Variants in ATP10A observed in about 807,000 individuals in gnomAD.
ATP10A encodes ATPase phospholipid transporting 10A (putative).
ATP10A carries 111 observed loss-of-function variants against 147.8 expected under a neutral mutation model. The observed-to-expected ratio is 0.75, with a 90% confidence interval of 0.64 to 0.88. The LOEUF is 0.88. Ranked by LOEUF, ATP10A falls within the 40% of genes least tolerant of loss-of-function variation. The pLI, the probability that ATP10A is intolerant of heterozygous loss-of-function variation, is 0.00. For synonymous variants in ATP10A, 875 were observed against 841.6 expected, an observed-to-expected ratio of 1.04 and a Z score of -0.69; for missense variants, 1,927 against 1,959.0, an observed-to-expected ratio of 0.98 and a Z score of 0.31.
intron 2 of ATP10A, among the ~76,000 whole-genome samples, chr15:25,780,436 C>T: frequency 6.6e-6 from 1 of 152,242 alleles, no homozygotes; most frequent in East Asian, 1.9e-4. Flanking sequence ...CCGGCACAGA[C>T]CTGGCGGGTG....
At chr15:25,850,169 C>G (rs1848018929) in intron 1 of ATP10A, among the ~76,000 whole-genome samples, 1 of 152,178 alleles carries the variant, frequency 6.6e-6, no homozygotes, top group South Asian at 2.1e-4. Context: ...GTGTATGAGA[C>G]ATTCTGGAAA....
At chr15:25,746,062 T>C (rs1015634642) in intron 2 of ATP10A, among the ~76,000 whole-genome samples, 2 of 152,060 alleles carry the variant, frequency 1.3e-5, no homozygotes, top group African/African-American at 4.8e-5. Context: ...AATATTTTAA[T>C]GAAAACCCAA....
intron 1 of ATP10A, among the ~76,000 whole-genome samples, chr15:25,811,122 A>G (rs1891410187): frequency 2.0e-5 from 3 of 152,192 alleles, no homozygotes; most frequent in Admixed American, 2.0e-4. Flanking sequence ...ACAAAATAGC[A>G]AAACAGGTCC....
At chr15:25,801,382 GCT>G (rs1238833425) in intron 1 of ATP10A, among the ~76,000 whole-genome samples, 1 of 152,190 alleles carries the variant, frequency 6.6e-6, no homozygotes, top group East Asian at 1.9e-4. Context: ...GCCAATCACG[GCT>G]CTGAGCCTCA....
chr15:25,765,112 C>T (rs1369479236), intron 2 of ATP10A, among the ~76,000 whole-genome samples: 1 of 152,178 alleles, frequency 6.6e-6, no homozygotes, highest in East Asian at 1.9e-4. Context: ...TGAAGGATCT[C>T]TGGGGAGCAC....
At chr15:25,693,891 C>T (rs890069545) in intron 14 of ATP10A, among the ~76,000 whole-genome samples, 4 of 152,232 alleles carry the variant, frequency 2.6e-5, no homozygotes, top group Non-Finnish European at 5.9e-5. Flanking sequence ...GCAGCAATCT[C>T]CATGTCAACA....
chr15:25,817,559 A>C (rs1456588985), intron 1 of ATP10A, among the ~76,000 whole-genome samples: 1 of 152,242 alleles, frequency 6.6e-6, no homozygotes, highest in Non-Finnish European at 1.5e-5. Context: ...AAAGGGTCTA[A>C]ATAAGATTGA....
chr15:25,727,260 A>G lies in ATP10A; in HGVS notation c.747T>C (p.His249=). Residue 249 remains histidine, a synonymous_variant, in exon 4 of 21, where the codon CAT becomes CAC. Coordinates refer to ENST00000555815, the MANE Select transcript of ATP10A (RefSeq NM_024490.4). ...DLSRFRGCII[H]DNGKKAGLYK... ...ACAGCCCGGCCTTTTTCCCGTTGTC[A>G]TGTATGCTGTAGAGGGACAGTTGGC... 1 of 1,613,416 alleles carries G rather than the reference A, an allele frequency of 6.2e-7. No individual in the cohort carries two copies. Among genetic ancestry groups the G allele is most frequent in the Non-Finnish European group, 8.5e-7 (1 of 1,179,598 alleles).
chr15:25,761,327 A>G (rs1888746723), intron 2 of ATP10A, among the ~76,000 whole-genome samples: 1 of 152,234 alleles, frequency 6.6e-6, no homozygotes, highest in South Asian at 2.1e-4. Flanking sequence ...GACATACCCG[A>G]GACTGGGTAA....
chr15:25,754,993 T>G lies in ATP10A; in HGVS notation c.655-18852A>C, dbSNP rs569204592. ...TAAAAAGCTAATGAAAATCTAAAAA[T>G]GCAAGATATTCCCCATACCCTATCC... On this transcript the variant is annotated intron_variant, in intron 2 of 20. Coordinates refer to ENST00000555815, the MANE Select transcript of ATP10A (RefSeq NM_024490.4). Among the ~76,000 whole-genome samples the G allele has an allele frequency of 6.6e-5, 10 of 152,286 alleles. 1 individual carries two copies. Among genetic ancestry groups the G allele is most frequent in the African/African-American group, 2.4e-4 (10 of 41,558 alleles).
intron 1 of ATP10A, among the ~76,000 whole-genome samples, chr15:25,812,019 G>A (rs1891455540): frequency 1.3e-5 from 2 of 152,158 alleles, no homozygotes; most frequent in African/African-American, 4.8e-5. Flanking sequence ...CTCACCCAGC[G>A]CACGCTCCCC....
intron 1 of ATP10A, among the ~76,000 whole-genome samples, chr15:25,795,438 T>C (rs1225593686): frequency 6.6e-6 from 1 of 152,174 alleles, no homozygotes. Flanking sequence ...CTCTGCCCAA[T>C]GATTTGAGAT....
rs368679031 is a variant in ATP10A at position 25,786,751 on chromosome 15, G to A, written c.450-5528C>T. ...CTCCATTCTCCTGCCTCAGCCTTCC[G>A]AGTAGCTGGGACTACAGGCGCCCAC... is the stretch of plus-strand genomic sequence containing the variant. On this transcript the variant is annotated intron_variant, in intron 1 of 20. Coordinates refer to ENST00000555815, the MANE Select transcript of ATP10A (RefSeq NM_024490.4). 5.1e-3 allele frequency among the ~76,000 whole-genome samples: 727 copies of A among 143,396 alleles called. 11 individuals are homozygous for A. Among genetic ancestry groups the A allele is most frequent in the African/African-American group, 0.018 (685 of 38,694 alleles). The allele number at this position is 143,396 out of a possible 152,430, so 94.1% of individuals were successfully genotyped here.
chr15:25,757,638 T>TA (rs1888493925), intron 2 of ATP10A, among the ~76,000 whole-genome samples: 2 of 152,298 alleles, frequency 1.3e-5, no homozygotes, highest in South Asian at 2.1e-4. Flanking sequence ...TTGTTTTTGG[T>TA]AAAAAATTAA....
At chr15:25,692,786 G>A (rs1005834879) in intron 14 of ATP10A, among the ~76,000 whole-genome samples, 7 of 152,080 alleles carry the variant, frequency 4.6e-5, no homozygotes, top group South Asian at 4.1e-4. Context: ...ATGCTTTAAC[G>A]CATTCTTTCT....
At chr15:25,730,066 G>A (rs111754179) in intron 3 of ATP10A, among the ~76,000 whole-genome samples, 3,282 of 151,562 alleles carry the variant, frequency 0.022, 111 homozygotes, top group African/African-American at 0.068. Context: ...CGAGGCGGGA[G>A]GATTGCTTGA....
chr15:25,772,805 AC>A (rs1440851693), intron 2 of ATP10A, among the ~76,000 whole-genome samples: 1 of 152,160 alleles, frequency 6.6e-6, no homozygotes, highest in Non-Finnish European at 1.5e-5. Context: ...AATGACACTC[AC>A]ATTTCTTGTC....
In ATP10A at chr15:25,781,113, C is replaced by T; in HGVS notation, c.560G>A (p.Ser187Asn). The part of the protein sequence containing the change: ...FPADILLLSS[S>N]DPDGLCHIET... ...GATGTGGCATAGCCCGTCGGGGTCA[C>T]TGGAGGAGAGCAGCAGAATGTCCGC... The change falls in exon 2 of 21, where the codon AGT becomes AAT. Residue 187 changes from serine (S) to asparagine (N), a missense_variant. Transcript: ENST00000555815. 1 of 1,614,176 alleles carries T rather than the reference C, an allele frequency of 6.2e-7. No individual in the cohort carries two copies. The highest frequency in any genetic ancestry group is 8.5e-7 in the Non-Finnish European group (1 of 1,180,038).
In ATP10A at chr15:25,860,550, C is replaced by T. The variant is rs562045479; in HGVS notation, c.449+2098G>A. 2.1e-4 allele frequency among the ~76,000 whole-genome samples: 32 copies of T among 152,294 alleles called. No homozygotes were observed. The South Asian group carries it at 4.8e-3, about 23-fold the overall frequency. ...AATAAACAGAAGTAGGGCATTGCGC[C>T]CACTGTCCTCAAGGCAGCTGGGAAG... On this transcript the variant is annotated intron_variant, in intron 1 of 20. Coordinates refer to ENST00000555815, the MANE Select transcript of ATP10A (RefSeq NM_024490.4).
Sources: gnomAD v4.1 joint callset for allele counts (sites outside exome capture counted in the v4.1 genomes callset) on GRCh38, gnomAD v4.1.1 for gene constraint, MANE v1.5 for transcripts, NCBI Gene and HGNC (gene_info 2026-07-23, HGNC 2026-07-21) for gene names.